SLC41A3: variants seen among roughly 807,000 people sequenced by gnomAD.
SLC41A3 encodes SLC41A1-like 2.
A neutral mutation model predicts 45.4 loss-of-function variants in SLC41A3; 44 were observed. The observed-to-expected ratio is 0.97, with a 90% CI of 0.76 to 1.25. The LOEUF is 1.25. Ranked by LOEUF, SLC41A3 falls within the 50% of genes most tolerant of loss-of-function variation. The pLI, the probability that SLC41A3 is intolerant of heterozygous loss-of-function variation, is 0.00. For missense variants in SLC41A3, 550 were observed against 600.6 expected (o/e 0.92, Z 0.88); for synonymous variants, 256 against 252.4 (o/e 1.01, Z -0.13).
At chr3:126,057,567 A>C (rs1943751755) in intron 2 of SLC41A3, among the ~76,000 whole-genome samples, 2 of 152,094 alleles carry the variant, frequency 1.3e-5, no homozygotes, top group South Asian at 4.1e-4. Context: ...TTCCACTCCC[A>C]TCCCTAAACT....
chr3:126,054,587 T>C (rs1318488814), intron 2 of SLC41A3, among the ~76,000 whole-genome samples: 1 of 151,968 alleles, frequency 6.6e-6, no homozygotes, highest in East Asian at 2.0e-4. Context: ...ATCATTCACC[T>C]GTATCTTTGC....
intron 4 of SLC41A3, among the ~76,000 whole-genome samples, chr3:126,030,140 ATATAT>A (rs1435439411): frequency 5.3e-5 from 7 of 133,138 alleles, no homozygotes; most frequent in African/African-American, 7.7e-5. Flanking sequence ...TATGTATAAT[ATATAT>A]TATATATGTT....
At chr3:126,072,373 A>G (rs376031395) in intron 1 of SLC41A3, among the ~76,000 whole-genome samples, 1 of 62,778 alleles carries the variant, frequency 1.6e-5, no homozygotes, top group Non-Finnish European at 3.6e-5. Context: ...AAAAAAAAAT[A>G]AAAAAAAAAA....
At chr3:126,012,087 C>T (rs1939772582) in intron 9 of SLC41A3, among the ~76,000 whole-genome samples, 1 of 152,194 alleles carries the variant, frequency 6.6e-6, no homozygotes, top group Non-Finnish European at 1.5e-5. Context: ...GCTCAGGCCA[C>T]ATTGGCCTTT....
intron 4 of SLC41A3, among the ~76,000 whole-genome samples, chr3:126,031,901 G>A (rs574163702): frequency 1.1e-4 from 16 of 152,356 alleles, no homozygotes; most frequent in South Asian, 6.2e-4. Context: ...GTGCTAGCCC[G>A]TAAGACTCAG....
intron 3 of SLC41A3, among the ~76,000 whole-genome samples, chr3:126,047,722 C>T (rs1943056833): frequency 6.6e-6 from 1 of 151,908 alleles, no homozygotes; most frequent in Admixed American, 6.5e-5. Context: ...GCTTATGTTA[C>T]ACCATGTACA....
chr3:126,027,041 C>T (rs935539884), intron 4 of SLC41A3, among the ~76,000 whole-genome samples: 1 of 152,202 alleles, frequency 6.6e-6, no homozygotes, highest in Non-Finnish European at 1.5e-5. Flanking sequence ...GACACTGGCA[C>T]CTCTAATCCA....
chr3:126,044,620 G>A (rs968782276), intron 3 of SLC41A3, among the ~76,000 whole-genome samples: 2 of 152,150 alleles, frequency 1.3e-5, no homozygotes, highest in Non-Finnish European at 2.9e-5. Context: ...AGAGGGCCGG[G>A]CGCAGTGGCT....
rs957908108 is a variant in SLC41A3, at chr3:126,032,455, G to A, written c.453+1152C>T. On this transcript the variant is annotated intron_variant, in intron 4 of 10. Transcript: ENST00000360370. ...GTTACTGGGAAGGACCATCCACAAGGCACAGCTGACAGGACAGGGTGATGT... is the reference window on the plus strand; with the variant it reads ...GTTACTGGGAAGGACCATCCACAAGACACAGCTGACAGGACAGGGTGATGT... 3.9e-4 allele frequency among the ~76,000 whole-genome samples: 59 copies of A among 152,340 alleles called. 1 individual carries two copies. Among genetic ancestry groups the A allele is most frequent in the African/African-American group, 1.4e-3 (57 of 41,580 alleles).
intron 6 of SLC41A3, among the ~76,000 whole-genome samples, chr3:126,022,312 T>A (rs1384996264): frequency 1.3e-5 from 2 of 152,240 alleles, no homozygotes; most frequent in Non-Finnish European, 2.9e-5. Context: ...CTTCTCAGTA[T>A]CAATTTTTTG....
At chr3:126,009,894 T>C (rs1323709234) in intron 9 of SLC41A3, among the ~76,000 whole-genome samples, 3 of 152,234 alleles carry the variant, frequency 2.0e-5, no homozygotes, top group East Asian at 1.9e-4. Flanking sequence ...CTTTTCTATA[T>C]ACAAATAACA....
chr3:126,008,371 G>T (rs1003601108), intron 10 of SLC41A3, among the ~76,000 whole-genome samples: 2 of 152,092 alleles, frequency 1.3e-5, no homozygotes, highest in African/African-American at 4.8e-5. Flanking sequence ...GTGTGGTGTG[G>T]AGTGTGTGGT....
At chr3:126,025,816 C>T (rs898939038) in intron 5 of SLC41A3, 2 of 152,744 alleles carry the variant, frequency 1.3e-5, no homozygotes, top group African/African-American at 4.8e-5. Context: ...AAGCCGCTGA[C>T]TGGGGGCTCC....
chr3:126,095,139 A>G, intron 1 of SLC41A3: 1 of 599,388 alleles, frequency 1.7e-6, no homozygotes, highest in South Asian at 2.0e-5. Context: ...AAAATTGGGA[A>G]ATAGGTAAAA....
intron 6 of SLC41A3, among the ~76,000 whole-genome samples, chr3:126,021,011 C>T (rs1940816634): frequency 6.6e-6 from 1 of 152,108 alleles, no homozygotes; most frequent in African/African-American, 2.4e-5. Flanking sequence ...TCTCCTGCCT[C>T]AGCCTGCCGA....
At chr3:126,068,493 A>G (rs1303947972) in intron 1 of SLC41A3, among the ~76,000 whole-genome samples, 2 of 152,198 alleles carry the variant, frequency 1.3e-5, no homozygotes, top group Non-Finnish European at 2.9e-5. Flanking sequence ...GTCAGCAAAA[A>G]AGGGCCTCTG....
chr3:126,033,236 A>C (rs1359089772), intron 4 of SLC41A3, among the ~76,000 whole-genome samples: 1 of 152,214 alleles, frequency 6.6e-6, no homozygotes, highest in Non-Finnish European at 1.5e-5. Flanking sequence ...GTAAGAGGCA[A>C]TTACAGGTTG....
intron 4 of SLC41A3, among the ~76,000 whole-genome samples, chr3:126,028,288 C>T (rs1941524649): frequency 6.6e-6 from 1 of 152,110 alleles, no homozygotes; most frequent in African/African-American, 2.4e-5. Context: ...GTCCAGGGCC[C>T]CTGCTGCCCT....
chr3:126,098,061 A>G (rs970870140), intron 1 of SLC41A3, among the ~76,000 whole-genome samples: 7 of 152,260 alleles, frequency 4.6e-5, no homozygotes, highest in African/African-American at 1.4e-4. Flanking sequence ...GAAACTAAAG[A>G]TAGGATAGAC....
Sources: gnomAD v4.1 joint callset for allele counts (sites outside exome capture counted in the v4.1 genomes callset) on GRCh38, gnomAD v4.1.1 for gene constraint, MANE v1.5 for transcripts, NCBI Gene and HGNC (gene_info 2026-07-23, HGNC 2026-07-21) for gene names.